Variants in GLIS3 observed in about 807,000 individuals in gnomAD.
The protein encoded by GLIS3 is GLIS family zinc finger 3, also known as zinc finger protein GLIS3.
In GLIS3, 53 loss-of-function variants were observed where a neutral mutation model predicts 78.6. The ratio of observed to expected loss-of-function variants is 0.67; its 90% CI spans 0.54 to 0.85. GLIS3 has a LOEUF of 0.85. Ranked by LOEUF, GLIS3 falls within the 40% of genes least tolerant of loss-of-function variation. GLIS3 has a pLI of 0.00. For missense variants in GLIS3, 1,703 were observed against 1,231.1 expected (o/e 1.38, Z -5.74); for synonymous variants, 684 against 509.9 (o/e 1.34, Z -4.60).
Position 3,937,011 on chromosome 9 carries a change from G to C in GLIS3, c.1872+17C>G. 1 of 1,612,188 alleles carries C rather than the reference G, an allele frequency of 6.2e-7. No individual in the cohort carries two copies. The highest frequency in any genetic ancestry group is 8.5e-7 in the Non-Finnish European group (1 of 1,179,902). Reference sequence around the variant, plus strand: ...CAGGCGCTGGGTTGGAAACTGGAAAGCTCCTGCCATTCTTACGGTGTCCAG... The same window carrying C: ...CAGGCGCTGGGTTGGAAACTGGAAACCTCCTGCCATTCTTACGGTGTCCAG... On this transcript the variant is annotated intron_variant, in intron 5 of 10. Coordinates refer to ENST00000381971, the MANE Select transcript of GLIS3 (RefSeq NM_001042413.2).
At chr9:4,204,863 A>T (rs531045368) in intron 2 of GLIS3, among the ~76,000 whole-genome samples, 1 of 150,270 alleles carries the variant, frequency 6.7e-6, no homozygotes, top group South Asian at 2.1e-4. Context: ...GCAGCGTGCC[A>T]AGATCATACC....
chr9:4,120,137 C>T (rs1287861140), intron 3 of GLIS3, among the ~76,000 whole-genome samples: 2 of 152,186 alleles, frequency 1.3e-5, no homozygotes, highest in African/African-American at 2.4e-5. Context: ...AGCTGTTAAA[C>T]ATCAACCTGT....
chr9:4,063,600 A>G (rs1178550620), intron 4 of GLIS3, among the ~76,000 whole-genome samples: 1 of 152,228 alleles, frequency 6.6e-6, no homozygotes, highest in Non-Finnish European at 1.5e-5. Flanking sequence ...CATATTCACT[A>G]AAATCAGAAG....
the GLIS3 span, among the ~76,000 whole-genome samples, chr9:4,414,536 T>C: frequency 2.0e-5 from 3 of 152,202 alleles, no homozygotes; most frequent in Non-Finnish European, 4.4e-5. Flanking sequence ...ATTATACCTA[T>C]ATAATGCTGG....
At chr9:4,085,372 T>G (rs1196218784) in intron 4 of GLIS3, among the ~76,000 whole-genome samples, 3 of 152,176 alleles carry the variant, frequency 2.0e-5, no homozygotes, top group Non-Finnish European at 4.4e-5. Flanking sequence ...CTCTCCAGAT[T>G]GCTGGTGTCT....
At chr9:4,385,277 T>C in the GLIS3 span, among the ~76,000 whole-genome samples, 1 of 152,130 alleles carries the variant, frequency 6.6e-6, no homozygotes, top group African/African-American at 2.4e-5. Context: ...ACCCCAAAGA[T>C]AGAAGTTGAT....
At chr9:4,405,665 C>T in the GLIS3 span, among the ~76,000 whole-genome samples, 5 of 152,164 alleles carry the variant, frequency 3.3e-5, no homozygotes, top group South Asian at 8.3e-4. Flanking sequence ...CTAATAGCAA[C>T]CCTACTCAAA....
At chr9:3,981,537 C>T (rs1258380392) in intron 4 of GLIS3, among the ~76,000 whole-genome samples, 2 of 152,126 alleles carry the variant, frequency 1.3e-5, no homozygotes, top group Admixed American at 1.3e-4. Flanking sequence ...TCCTAGGTGG[C>T]TCTGATGCAG....
At chr9:4,080,440 T>C (rs948762498) in intron 4 of GLIS3, among the ~76,000 whole-genome samples, 2 of 152,098 alleles carry the variant, frequency 1.3e-5, no homozygotes, top group African/African-American at 4.8e-5. Flanking sequence ...TACAAAAAAA[T>C]GCATGATGAA....
chr9:4,131,457 G>C (rs972656788), intron 2 of GLIS3, among the ~76,000 whole-genome samples: 2 of 152,188 alleles, frequency 1.3e-5, no homozygotes, highest in African/African-American at 4.8e-5. Flanking sequence ...GATTGGATCA[G>C]TGGGATAGAG....
chr9:4,046,290 G>A (rs1003080933), intron 4 of GLIS3, among the ~76,000 whole-genome samples: 7 of 152,168 alleles, frequency 4.6e-5, no homozygotes, highest in Non-Finnish European at 7.3e-5. Context: ...CCTATGTGAA[G>A]ACAGTAAAGG....
chr9:3,858,630 T>C (rs1436573241), intron 8 of GLIS3, among the ~76,000 whole-genome samples: 8 of 152,170 alleles, frequency 5.3e-5, no homozygotes, highest in Non-Finnish European at 1.2e-4. Flanking sequence ...ACACCCCATA[T>C]AAAGTATTAA....
At chr9:4,231,177 A>C (rs1287167997) in intron 2 of GLIS3, among the ~76,000 whole-genome samples, 1 of 152,248 alleles carries the variant, frequency 6.6e-6, no homozygotes, top group African/African-American at 2.4e-5. Flanking sequence ...AAGCAGAGTA[A>C]GAACAGGTAG....
chr9:4,484,026 G>A, the GLIS3 span, among the ~76,000 whole-genome samples: 1 of 152,114 alleles, frequency 6.6e-6, no homozygotes, highest in African/African-American at 2.4e-5. Flanking sequence ...CTTTGTGTTT[G>A]CTTTTGTTGT....
intron 4 of GLIS3, chr9:4,305,840 A>G (rs1333097397): frequency 6.6e-6 from 1 of 152,230 alleles, no homozygotes; most frequent in Admixed American, 6.5e-5. Context: ...GGAGAAGATT[A>G]CAGAGAATAG....
intron 4 of GLIS3, among the ~76,000 whole-genome samples, chr9:4,043,981 G>A (rs1008803549): frequency 1.3e-5 from 2 of 152,150 alleles, no homozygotes; most frequent in African/African-American, 4.8e-5. Context: ...CACCAACAAT[G>A]GAAGGCAATA....
At chr9:4,143,957 G>C (rs1024231951) in intron 2 of GLIS3, among the ~76,000 whole-genome samples, 3 of 152,240 alleles carry the variant, frequency 2.0e-5, no homozygotes, top group African/African-American at 7.2e-5. Context: ...AGAAAGAAAA[G>C]AGAATAGACG....
At chr9:3,853,738 T>G (rs1819584209) in intron 9 of GLIS3, among the ~76,000 whole-genome samples, 1 of 152,178 alleles carries the variant, frequency 6.6e-6, no homozygotes, top group South Asian at 2.1e-4. Flanking sequence ...AAGATTTCTT[T>G]AGAGAAAAAA....
At chr9:4,046,260 T>C (rs902287413) in intron 4 of GLIS3, among the ~76,000 whole-genome samples, 1 of 152,308 alleles carries the variant, frequency 6.6e-6, no homozygotes, top group South Asian at 2.1e-4. Flanking sequence ...ACCTGCCCAG[T>C]TGAACATTTT....
Sources: allele counts gnomAD v4.1 joint callset (sites outside exome capture counted in the v4.1 genomes callset), GRCh38; gene constraint gnomAD v4.1.1; transcripts MANE v1.5; gene names NCBI Gene and HGNC (gene_info 2026-07-23, HGNC 2026-07-21).